BLM: variants seen among roughly 807,000 people sequenced by gnomAD.
BLM encodes recQ-like DNA helicase BLM.
A neutral mutation model predicts 135.3 loss-of-function variants in BLM; 95 were observed. That is an observed-to-expected ratio of 0.70 (90% confidence interval 0.59 to 0.83). BLM has a LOEUF of 0.83. BLM is among the 40% of genes least tolerant of loss of function. The probability of loss-of-function intolerance (pLI) is 0.00; values close to 1 mark genes in which losing one functional copy is unlikely to be tolerated. For synonymous variants in BLM, 520 were observed against 589.2 expected (o/e 0.88, Z 1.70); for missense variants, 1,518 against 1,663.9 (o/e 0.91, Z 1.53).
rs1270898767 is a variant in BLM at position 90,815,461 on chromosome 15, C to G, written c.*182C>G. On this transcript the variant is annotated 3_prime_UTR_variant, in exon 22 of 22. Transcript: ENST00000355112. The surrounding 1 kb of genome is among the most constrained non-coding windows in gnomAD (Gnocchi z 4.6). ...AAATAAACATTTTCTTTTGAATAAG[C>G]ATGTTTTGCTGCCGCTGCAAGTGTT... 1.4e-6 allele frequency: 1 copy of G among 709,068 alleles called. No homozygotes were observed. Among genetic ancestry groups the G allele is most frequent in the Non-Finnish European group, 2.2e-6 (1 of 445,038 alleles). 43.9% of individuals were successfully genotyped at this position (709,068 alleles called of 1,614,324 possible).
At position 90,739,742 on chromosome 15, in the gene BLM, A is replaced by C. The variant is rs28364263; in HGVS notation, c.-4-7647A>C. 1.4e-3 allele frequency among the ~76,000 whole-genome samples: 216 copies of C among 152,200 alleles called. 2 individuals are homozygous for C. The highest frequency in any genetic ancestry group is 0.013 in the Admixed American group (204 of 15,284). On this transcript the variant is annotated intron_variant, in intron 1 of 21. Transcript: ENST00000355112. ...CTCTATTTCTTGTGGCATTTTAAAT[A>C]ACAGCTGTATTGTTTTTAAATTATT...
At chr15:90,790,423 G>A in intron 14 of BLM, 1 of 554,962 alleles carries the variant, frequency 1.8e-6, no homozygotes, top group Non-Finnish European at 3.2e-6. Flanking sequence ...TGCCTGCCAT[G>A]CTGAGCTTCT....
At chr15:90,720,332 T>C (rs1379247158) in intron 1 of BLM, among the ~76,000 whole-genome samples, 8 of 152,230 alleles carry the variant, frequency 5.3e-5, no homozygotes, top group Admixed American at 2.6e-4. Context: ...TTATGACATA[T>C]GGACTTTGTT....
At chr15:90,735,901 T>C (rs1025101287) in intron 1 of BLM, among the ~76,000 whole-genome samples, 1 of 152,194 alleles carries the variant, frequency 6.6e-6, no homozygotes, top group Non-Finnish European at 1.5e-5. Context: ...AAAGACCTAC[T>C]ATCCCTAGTC....
In BLM at chr15:90,790,811, C is replaced by T. The variant is rs1195271909; in HGVS notation, c.2986C>T (p.His996Tyr). The T allele has an allele frequency of 3.7e-6, 6 of 1,614,028 alleles. No homozygotes were observed. Among genetic ancestry groups the T allele is most frequent in the Non-Finnish European group, 5.1e-6 (6 of 1,180,006 alleles). The change falls in exon 15 of 22, where the codon CAT becomes TAT. Residue 996 changes from histidine to tyrosine, a missense_variant. Coordinates refer to ENST00000355112, the MANE Select transcript of BLM (RefSeq NM_000057.4). The part of the protein sequence containing the change: ...ISHCLLFYTY[H>Y]DVTRLKRLIM... Reference sequence around the variant, plus strand: ...TCACTGCCTGCTTTTCTATACCTATCATGATGTGACCAGACTGAAAAGACT... The same window carrying T: ...TCACTGCCTGCTTTTCTATACCTATTATGATGTGACCAGACTGAAAAGACT...
intron 1 of BLM, among the ~76,000 whole-genome samples, chr15:90,744,641 A>T (rs1191061292): frequency 6.6e-6 from 1 of 151,424 alleles, no homozygotes; most frequent in Non-Finnish European, 1.5e-5. Context: ...AAGTGCTGGG[A>T]TTACAGGCGT....
chr15:90,772,016 A>G (rs939447758), intron 12 of BLM, among the ~76,000 whole-genome samples: 5 of 152,236 alleles, frequency 3.3e-5, no homozygotes, highest in African/African-American at 9.6e-5. Flanking sequence ...TAATCAATAA[A>G]TGAAAAATGT....
At chr15:90,803,750 T>C (rs753573554) in intron 18 of BLM, 30 bp downstream of exon 18, 24 of 1,606,328 alleles carry the variant, frequency 1.5e-5, no homozygotes, top group Non-Finnish European at 2.0e-5. Flanking sequence ...TATTTTATTA[T>C]CTCACAATGA....
chr15:90,768,152 AG>A, intron 10 of BLM, among the ~76,000 whole-genome samples: 1 of 152,200 alleles, frequency 6.6e-6, no homozygotes, highest in African/African-American at 2.4e-5. Context: ...CATCTTGGCC[AG>A]GCTGGTCTCA....
At chr15:90,755,172 T>C (rs903391223) in intron 5 of BLM, 2 of 553,746 alleles carry the variant, frequency 3.6e-6, no homozygotes, top group African/African-American at 1.9e-5. Flanking sequence ...ATGCTACTTG[T>C]TAGAAATCAT....
intron 1 of BLM, among the ~76,000 whole-genome samples, chr15:90,735,793 A>G (rs1299992816): frequency 6.6e-6 from 1 of 152,182 alleles, no homozygotes; most frequent in East Asian, 1.9e-4. Context: ...AATTGGCTAC[A>G]TTGAAAAGCA....
At position 90,760,632 on chromosome 15, in the gene BLM, A is replaced by G. The variant is rs773952896; in HGVS notation, c.1259A>G (p.Asp420Gly). The G allele has an allele frequency of 3.1e-6, 5 of 1,612,484 alleles. No homozygotes were observed. The highest frequency in any genetic ancestry group is 4.2e-6 in the Non-Finnish European group (5 of 1,178,876). The change falls in exon 7 of 22, where the codon GAT becomes GGT. Residue 420 changes from aspartate (D) to glycine (G), a missense_variant. Physicochemically the swap from Asp to Gly is moderately conservative, Grantham distance 94. Coordinates refer to ENST00000355112, the MANE Select transcript of BLM (RefSeq NM_000057.4). ...ACGGAAGTAGATTTTAATAAAAGTGATGCCAGTCTTCTTGGCTCATTGTGG... is the reference window on the plus strand; with the variant it reads ...ACGGAAGTAGATTTTAATAAAAGTGGTGCCAGTCTTCTTGGCTCATTGTGG... The part of the protein sequence containing the change: ...LLTEVDFNKS[D>G]ASLLGSLWRY...
intron 3 of BLM, 120 bp from the exon 4 acceptor site, chr15:90,751,667 T>A (rs7183841): frequency 3.8e-6 from 3 of 798,084 alleles, no homozygotes; most frequent in Admixed American, 2.1e-5. Flanking sequence ...AGAGGATCCA[T>A]ACAAAGTGGT....
chr15:90,789,668 G>A (rs2151183549), intron 14 of BLM, among the ~76,000 whole-genome samples: 1 of 152,196 alleles, frequency 6.6e-6, no homozygotes, highest in East Asian at 1.9e-4. Flanking sequence ...TCCAGAGCTT[G>A]CAGTTCCTTC....
At chr15:90,791,317 C>T (rs1896900670) in intron 15 of BLM, among the ~76,000 whole-genome samples, 1 of 152,142 alleles carries the variant, frequency 6.6e-6, no homozygotes, top group Non-Finnish European at 1.5e-5. Context: ...CCGTCCTCTC[C>T]CATTAGAGGC....
At chr15:90,728,054 T>G (rs1279429743) in intron 1 of BLM, among the ~76,000 whole-genome samples, 1 of 152,202 alleles carries the variant, frequency 6.6e-6, no homozygotes, top group Non-Finnish European at 1.5e-5. Flanking sequence ...TTTTCTTTTT[T>G]TGAGACAGGG....
At chr15:90,764,807 C>A (rs192292691) in intron 8 of BLM, among the ~76,000 whole-genome samples, 1 of 152,108 alleles carries the variant, frequency 6.6e-6, no homozygotes, top group Non-Finnish European at 1.5e-5. Flanking sequence ...CTAGGCCGGG[C>A]GCAGTGGCTT....
intron 12 of BLM, among the ~76,000 whole-genome samples, chr15:90,779,261 A>G (rs940975742): frequency 6.6e-6 from 1 of 152,192 alleles, no homozygotes; most frequent in African/African-American, 2.4e-5. Flanking sequence ...CTAGCGATGT[A>G]TGAGGGTTCT....
At chr15:90,755,080 C>CAG in intron 5 of BLM, 142 bp downstream of exon 5, 2 of 1,089,184 alleles carry the variant, frequency 1.8e-6, no homozygotes, top group Non-Finnish European at 2.6e-6. Context: ...ATGTCATAAC[C>CAG]TTGTTTACTG....
Sources: gnomAD v4.1 joint callset for allele counts (sites outside exome capture counted in the v4.1 genomes callset) on GRCh38, gnomAD v4.1.1 for gene constraint, Gnocchi (gnomAD v3.1) non-coding constraint, MANE v1.5 for transcripts, NCBI Gene and HGNC (gene_info 2026-07-23, HGNC 2026-07-21) for gene names.